Variants in CTNNA3 observed in about 807,000 individuals in gnomAD.
CTNNA3 encodes catenin alpha 3.
A neutral mutation model predicts 95.7 loss-of-function variants in CTNNA3; 76 were observed. The observed-to-expected ratio is 0.79, with a 90% confidence interval of 0.66 to 0.96. CTNNA3 has a LOEUF of 0.96. Ranked by LOEUF, CTNNA3 falls within the 40% of genes least tolerant of loss-of-function variation. The probability of loss-of-function intolerance (pLI) is 0.00; values close to 1 mark genes in which losing one functional copy is unlikely to be tolerated. For synonymous variants in CTNNA3, 431 were observed against 374.4 expected (o/e 1.15, Z -1.74); for missense variants, 1,191 against 1,089.8 (o/e 1.09, Z -1.31).
chr10:67,535,045 G>A (rs952879628), intron 4 of CTNNA3, among the ~76,000 whole-genome samples: 2 of 152,010 alleles, frequency 1.3e-5, no homozygotes, highest in Admixed American at 6.6e-5. Context: ...GCTCTTATTG[G>A]GTCATTAAAA....
chr10:66,912,355 C>A (rs1213254730), intron 7 of CTNNA3, among the ~76,000 whole-genome samples: 2 of 151,974 alleles, frequency 1.3e-5, no homozygotes, highest in Non-Finnish European at 2.9e-5. Context: ...AAAACAAAAT[C>A]TTGATACAAA....
At chr10:67,718,731 C>T (rs944087301) in intron 1 of CTNNA3, among the ~76,000 whole-genome samples, 2 of 152,074 alleles carry the variant, frequency 1.3e-5, no homozygotes, top group East Asian at 1.9e-4. Flanking sequence ...GTTTTCGCAT[C>T]GATGTTCATC....
intron 11 of CTNNA3, among the ~76,000 whole-genome samples, chr10:66,446,931 G>C (rs559697232): frequency 0.016 from 2,425 of 151,508 alleles, 58 homozygotes; most frequent in African/African-American, 0.056. Flanking sequence ...AAACCCCATC[G>C]TCTCAGCCCA....
At chr10:66,064,113 T>G in intron 15 of CTNNA3, among the ~76,000 whole-genome samples, 1 of 152,090 alleles carries the variant, frequency 6.6e-6, no homozygotes, top group East Asian at 1.9e-4. Flanking sequence ...ATCATGTCAG[T>G]AGGCAAAGGA....
intron 13 of CTNNA3, among the ~76,000 whole-genome samples, chr10:66,272,246 G>T (rs1365449334): frequency 6.6e-6 from 1 of 152,152 alleles, no homozygotes; most frequent in East Asian, 1.9e-4. Flanking sequence ...CTTCCAGAAG[G>T]GACAAAGTGT....
At chr10:66,257,889 C>A (rs1396205384) in intron 13 of CTNNA3, among the ~76,000 whole-genome samples, 2 of 152,146 alleles carry the variant, frequency 1.3e-5, no homozygotes, top group Admixed American at 1.3e-4. Context: ...TTTGGACAGA[C>A]TCTCTCCACC....
intron 11 of CTNNA3, among the ~76,000 whole-genome samples, chr10:66,425,477 A>C (rs1415775142): frequency 1.3e-5 from 2 of 151,852 alleles, no homozygotes; most frequent in Non-Finnish European, 2.9e-5. Context: ...AACTGTACAC[A>C]CACTCAGATA....
chr10:66,523,088 CT>C (rs1290062424), intron 10 of CTNNA3, among the ~76,000 whole-genome samples: 1 of 152,098 alleles, frequency 6.6e-6, no homozygotes, highest in Admixed American at 6.6e-5. Context: ...GAAATAACTA[CT>C]GTGCAGTATG....
At chr10:67,038,120 T>C (rs1838359234) in intron 7 of CTNNA3, among the ~76,000 whole-genome samples, 1 of 152,156 alleles carries the variant, frequency 6.6e-6, no homozygotes, top group Non-Finnish European at 1.5e-5. Flanking sequence ...TATATGAGTA[T>C]TGTAGAGCAA....
chr10:66,233,816 T>A (rs1384178260), intron 13 of CTNNA3, among the ~76,000 whole-genome samples: 3 of 152,166 alleles, frequency 2.0e-5, no homozygotes, highest in African/African-American at 7.2e-5. Context: ...CAGGTGGAAT[T>A]GAAAATGTAC....
intron 6 of CTNNA3, among the ~76,000 whole-genome samples, chr10:67,215,783 T>C (rs997394467): frequency 1.3e-5 from 2 of 152,182 alleles, no homozygotes; most frequent in Non-Finnish European, 2.9e-5. Flanking sequence ...CAAATGTATC[T>C]TACGGGACTT....
At chr10:66,191,976 T>A (rs1589687451) in intron 13 of CTNNA3, among the ~76,000 whole-genome samples, 2 of 152,162 alleles carry the variant, frequency 1.3e-5, no homozygotes, top group South Asian at 4.1e-4. Context: ...TTCAGTCCCC[T>A]GGCCATCCAC....
At chr10:66,982,614 C>T (rs977355779) in intron 7 of CTNNA3, among the ~76,000 whole-genome samples, 8 of 151,514 alleles carry the variant, frequency 5.3e-5, no homozygotes, top group African/African-American at 1.9e-4. Flanking sequence ...TAGACAAAGA[C>T]AATTGAAATA....
chr10:66,896,137 A>G (rs1845483295), intron 7 of CTNNA3, among the ~76,000 whole-genome samples: 1 of 152,078 alleles, frequency 6.6e-6, no homozygotes, highest in African/African-American at 2.4e-5. Context: ...TAGTTGCCAT[A>G]AACAATGCAT....
chr10:67,504,707 T>C (rs10823050), intron 5 of CTNNA3, among the ~76,000 whole-genome samples: 23,217 of 152,038 alleles, frequency 0.15, 2,063 homozygotes, highest in East Asian at 0.31. Flanking sequence ...CATTTTTTTA[T>C]GGATCCAATT....
At chr10:66,617,651 A>G (rs1300020670) in intron 10 of CTNNA3, among the ~76,000 whole-genome samples, 5 of 152,130 alleles carry the variant, frequency 3.3e-5, no homozygotes, top group African/African-American at 1.2e-4. Flanking sequence ...AAACTGGCAC[A>G]AGACAGGGAT....
rs202081325 is a variant in CTNNA3, at chr10:66,477,547, T to TC, written c.1531+43069dup. Among the ~76,000 whole-genome samples the TC allele has an allele frequency of 8.6e-3, 1,311 of 152,144 alleles. 22 individuals carry two copies. Among genetic ancestry groups the TC allele is most frequent in the African/African-American group, 0.03 (1,251 of 41,532 alleles). ...ACCCACTCTGAAAATTCACTCAAAC[T>TC]CATGGCAGGAGAGTACAGAAACACA... On this transcript the variant is annotated intron_variant, in intron 11 of 17. Coordinates refer to ENST00000433211, the MANE Select transcript of CTNNA3 (RefSeq NM_013266.4).
intron 5 of CTNNA3, among the ~76,000 whole-genome samples, chr10:67,377,249 C>T (rs1843726533): frequency 6.6e-6 from 1 of 152,064 alleles, no homozygotes; most frequent in Admixed American, 6.5e-5. Context: ...AAAAGAAAAC[C>T]TTCTGTACTA....
At chr10:66,966,326 A>T (rs941874912) in intron 7 of CTNNA3, among the ~76,000 whole-genome samples, 2 of 152,148 alleles carry the variant, frequency 1.3e-5, no homozygotes, top group Non-Finnish European at 2.9e-5. Flanking sequence ...TTTTTGATGT[A>T]CAGAATTTTA....
Sources: gnomAD v4.1 joint callset for allele counts (sites outside exome capture counted in the v4.1 genomes callset) on GRCh38, gnomAD v4.1.1 for gene constraint, MANE v1.5 for transcripts, NCBI Gene and HGNC (gene_info 2026-07-23, HGNC 2026-07-21) for gene names.